Variants in TAF2 observed in about 807,000 individuals in gnomAD.
The protein encoded by TAF2 is transcription initiation factor TFIID subunit 2.
In TAF2, 61 loss-of-function variants were observed where a neutral mutation model predicts 138.5. The ratio of observed to expected loss-of-function variants is 0.44; its 90% confidence interval spans 0.36 to 0.54. The LOEUF (loss-of-function observed/expected upper bound fraction) is 0.54. TAF2 is among the 20% of genes least tolerant of loss of function. The probability of loss-of-function intolerance (pLI) is 0.00; values close to 1 mark genes in which losing one functional copy is unlikely to be tolerated. For missense variants in TAF2, 1,090 were observed against 1,427.9 expected, an observed-to-expected ratio of 0.76 and a Z score of 3.81; for synonymous variants, 475 against 469.9, an observed-to-expected ratio of 1.01 and a Z score of -0.14.
At chr8:119,812,071 T>C (rs1586512041) in intron 3 of TAF2, among the ~76,000 whole-genome samples, 1 of 152,196 alleles carries the variant, frequency 6.6e-6, no homozygotes, top group African/African-American at 2.4e-5. Context: ...ATTTAAACTT[T>C]GTTGCACGCA....
chr8:119,732,712 G>A lies in TAF2; in HGVS notation c.3338-526C>T, dbSNP rs575952227. Reference sequence around the variant, plus strand: ...CCAGGTACTTGGGAGGCTGAGGTAGGAGAATCACTTGAACCTGGGAGGCCG... The same window carrying A: ...CCAGGTACTTGGGAGGCTGAGGTAGAAGAATCACTTGAACCTGGGAGGCCG... On this transcript the variant is annotated intron_variant, in intron 25 of 25. Coordinates refer to ENST00000378164, the MANE Select transcript of TAF2 (RefSeq NM_003184.4). Among the ~76,000 whole-genome samples the A allele has an allele frequency of 2.7e-4, 41 of 152,094 alleles. No homozygotes were observed. The highest frequency in any genetic ancestry group is 5.0e-4 in the Non-Finnish European group (34 of 68,036).
At chr8:119,832,421 G>A (rs1826519522) in intron 1 of TAF2, 61 bp downstream of exon 1, 1 of 1,543,614 alleles carries the variant, frequency 6.5e-7, no homozygotes, top group Non-Finnish European at 8.9e-7. Context: ...TCAAGCAATC[G>A]CAAAATATAA....
At chr8:119,828,880 GTC>G (rs1826262231) in intron 2 of TAF2, among the ~76,000 whole-genome samples, 2 of 152,320 alleles carry the variant, frequency 1.3e-5, no homozygotes. Flanking sequence ...GGGTCACACA[GTC>G]TCTGTCTCAG....
chr8:119,809,518 C>T (rs1824889237), intron 3 of TAF2, among the ~76,000 whole-genome samples: 1 of 152,196 alleles, frequency 6.6e-6, no homozygotes, highest in African/African-American at 2.4e-5. Context: ...CACAACTTAG[C>T]TAACTGGGGC....
chr8:119,758,241 T>TA, intron 20 of TAF2, 99 bp from the exon 21 acceptor site: 2 of 1,056,726 alleles, frequency 1.9e-6, no homozygotes, highest in Non-Finnish European at 2.8e-6. Flanking sequence ...TTTAGGACTC[T>TA]GCCTTAGCTG....
At chr8:119,830,397 C>A (rs1423628380) in intron 2 of TAF2, among the ~76,000 whole-genome samples, 1 of 152,118 alleles carries the variant, frequency 6.6e-6, no homozygotes, top group African/African-American at 2.4e-5. Flanking sequence ...TCCATTTTCA[C>A]TAATGCTATC....
chr8:119,791,061 A>G (rs1162278084), intron 11 of TAF2, among the ~76,000 whole-genome samples: 1 of 152,190 alleles, frequency 6.6e-6, no homozygotes, highest in Non-Finnish European at 1.5e-5. Context: ...TCAGCCTCCC[A>G]AAGTGCTGGG....
intron 20 of TAF2, among the ~76,000 whole-genome samples, chr8:119,758,871 C>T (rs531462452): frequency 1.3e-5 from 2 of 152,198 alleles, no homozygotes; most frequent in Admixed American, 1.3e-4. Context: ...AGCGAAGTGT[C>T]ACAATTAAAT....
intron 3 of TAF2, among the ~76,000 whole-genome samples, chr8:119,814,568 C>T (rs1015322148): frequency 7.9e-5 from 12 of 151,778 alleles, no homozygotes; most frequent in Non-Finnish European, 1.3e-4. Flanking sequence ...ATTTTTGACA[C>T]TGAAAAGTTG....
At chr8:119,747,118 A>G (rs940915093) in intron 22 of TAF2, among the ~76,000 whole-genome samples, 184 bp from the exon 23 acceptor site, 4 of 152,216 alleles carry the variant, frequency 2.6e-5, no homozygotes, top group Non-Finnish European at 1.5e-5. Context: ...GTATTTTTAT[A>G]GCCTTAATTC....
At chr8:119,791,289 T>G (rs1319384249) in intron 11 of TAF2, 35 bp downstream of exon 11, 1 of 1,607,178 alleles carries the variant, frequency 6.2e-7, no homozygotes. Flanking sequence ...CAGATCTTTA[T>G]TTACCATTGT....
intron 13 of TAF2, 101 bp downstream of exon 13, chr8:119,788,689 C>A (rs1411230112): frequency 2.2e-6 from 2 of 922,666 alleles, no homozygotes; most frequent in African/African-American, 3.2e-5. Context: ...CCACTTCAAA[C>A]AAAATCTCAT....
intron 22 of TAF2, among the ~76,000 whole-genome samples, chr8:119,752,082 TAAAG>T (rs1229586164): frequency 6.6e-6 from 1 of 151,978 alleles, no homozygotes; most frequent in African/African-American, 2.4e-5. Context: ...AAATATAATA[TAAAG>T]AAAGAGAAGG....
intron 25 of TAF2, among the ~76,000 whole-genome samples, chr8:119,738,845 T>C (rs1202440270): frequency 6.6e-6 from 1 of 151,992 alleles, no homozygotes; most frequent in Non-Finnish European, 1.5e-5. Flanking sequence ...AAACCTGCAG[T>C]TTTTATTAGG....
At chr8:119,800,013 A>C (rs1316145603) in intron 6 of TAF2, among the ~76,000 whole-genome samples, 1 of 151,688 alleles carries the variant, frequency 6.6e-6, no homozygotes, top group African/African-American at 2.4e-5. Context: ...TTTTCTTGTA[A>C]ATTTGACTTC....
rs527695895 is a variant in TAF2 at position 119,742,546 on chromosome 8, G to A, written c.3325C>T (p.Arg1109Trp). Reference sequence around the variant, plus strand: ...TAATTATTTTTACCTGTTCCCTTCCGTGCAAGTTCCAAACTCCACTGGGGT... The same window carrying A: ...TAATTATTTTTACCTGTTCCCTTCCATGCAAGTTCCAAACTCCACTGGGGT... ...TKPQWSLELA[R>W]KGTGKEQAPL... Residue 1109 changes from arginine (R) to tryptophan (W), a missense_variant, in exon 25 of 26, where the codon CGG (arginine) becomes TGG (tryptophan). Arg to Trp is a moderately radical substitution (Grantham distance 101). Transcript: ENST00000378164. 101 of 1,613,650 alleles carry A rather than the reference G, an allele frequency of 6.3e-5. No individual in the cohort carries two copies. The Middle Eastern group carries it at 6.6e-4, about 11-fold the overall frequency.
At chr8:119,758,231 T>C in intron 20 of TAF2, 89 bp from the exon 21 acceptor site, 1 of 1,169,894 alleles carries the variant, frequency 8.5e-7, no homozygotes, top group Non-Finnish European at 1.2e-6. Context: ...ACATTTAATA[T>C]TTAGGACTCT....
chr8:119,784,793 C>A (rs1426965139), intron 15 of TAF2, among the ~76,000 whole-genome samples: 1 of 152,134 alleles, frequency 6.6e-6, no homozygotes, highest in Non-Finnish European at 1.5e-5. Flanking sequence ...ATCAATATCA[C>A]CTGGGAGCTC....
At chr8:119,783,257 T>C in intron 16 of TAF2, 124 bp downstream of exon 16, 1 of 1,188,088 alleles carries the variant, frequency 8.4e-7, no homozygotes, top group South Asian at 1.7e-5. Flanking sequence ...AAAAGCACTT[T>C]GGCAAAAGCT....
Sources: gnomAD v4.1 joint callset for allele counts (sites outside exome capture counted in the v4.1 genomes callset) on GRCh38, gnomAD v4.1.1 for gene constraint, MANE v1.5 for transcripts, NCBI Gene and HGNC (gene_info 2026-07-23, HGNC 2026-07-21) for gene names.